The following CDK5RAP2 variants were observed in gnomAD, a reference collection of about 807,000 sequenced individuals.
The protein encoded by CDK5RAP2 is CDK5 regulatory subunit associated protein 2, also known as CDK5 regulatory subunit-associated protein 2.
Under a neutral mutation model 232.9 loss-of-function variants are expected in CDK5RAP2, and 147 were observed. That is an observed-to-expected ratio of 0.63 (90% CI 0.55 to 0.72). The LOEUF is 0.72. Among genes scored for constraint, CDK5RAP2 ranks in the 30% least tolerant of loss-of-function variants. The probability of loss-of-function intolerance (pLI) is 0.00; values close to 1 mark genes in which losing one functional copy is unlikely to be tolerated. For missense variants in CDK5RAP2, 2,195 were observed against 2,231.5 expected (o/e 0.98, Z 0.33); for synonymous variants, 833 against 833.7 (o/e 1.00, Z 0.01).
intron 12 of CDK5RAP2, among the ~76,000 whole-genome samples, chr9:120,499,712 C>G (rs775898696): frequency 5.3e-5 from 8 of 152,040 alleles, no homozygotes; most frequent in Non-Finnish European, 8.8e-5. Flanking sequence ...TATTATTATA[C>G]AAATGATACT....
intron 3 of CDK5RAP2, among the ~76,000 whole-genome samples, chr9:120,555,600 T>C (rs956894506): frequency 3.9e-5 from 6 of 152,238 alleles, no homozygotes; most frequent in African/African-American, 1.4e-4. Context: ...TCTCATACTC[T>C]GCTGATGCGA....
At chr9:120,442,396 A>G (rs2035951517) in intron 23 of CDK5RAP2, among the ~76,000 whole-genome samples, 1 of 152,192 alleles carries the variant, frequency 6.6e-6, no homozygotes, top group African/African-American at 2.4e-5. Flanking sequence ...TCACATCCCA[A>G]GTATCTGTCA....
In CDK5RAP2 at chr9:120,447,985, T is replaced by G; in HGVS notation, c.2935A>C (p.Lys979Gln). Residue 979 changes from lysine (K) to glutamine (Q), a missense_variant, in exon 22 of 38, where the codon AAA becomes CAA. Physicochemically the swap from Lys to Gln is moderately conservative, Grantham distance 53. Transcript: ENST00000349780. ...LELQGELKEF[K>Q]TCNKQLHQKL... ...TGGTGAAGTTGCTTATTACAAGTTT[T>G]AAACTCCTTCAGCTCCCCCTGCAGC... 1 of 1,614,156 alleles carries G rather than the reference T, an allele frequency of 6.2e-7. No homozygotes were observed. The highest frequency in any genetic ancestry group is 8.5e-7 in the Non-Finnish European group (1 of 1,180,024).
At position 120,403,168 on chromosome 9, in the gene CDK5RAP2, G is replaced by A; in HGVS notation, c.5042-97C>T. On this transcript the variant is annotated intron_variant, in intron 33 of 37. Coordinates refer to ENST00000349780, the MANE Select transcript of CDK5RAP2 (RefSeq NM_018249.6). The surrounding 1 kb of genome is among the most constrained non-coding windows in gnomAD (Gnocchi z 4.2). ...AAGCTAGCTAGGAGGGCTAGAAGAG[G>A]CCCTCGTGCCCAAATGCCACCCAAC... 2.3e-6 allele frequency: 3 copies of A among 1,294,740 alleles called. No individual in the cohort carries two copies. The highest frequency in any genetic ancestry group is 3.3e-6 in the Non-Finnish European group (3 of 905,590). 80.2% of individuals were successfully genotyped at this position (1,294,740 alleles called of 1,614,324 possible). A position where few individuals can be genotyped will look rare whatever the true frequency, so the allele number is the denominator to read the frequency against.
At chr9:120,490,961 A>G (rs1006844317) in intron 13 of CDK5RAP2, among the ~76,000 whole-genome samples, 3 of 152,244 alleles carry the variant, frequency 2.0e-5, no homozygotes, top group Non-Finnish European at 4.4e-5. Context: ...GAAAAAGTAC[A>G]GGGGAATGAA....
At chr9:120,497,403 T>C (rs1588489695) in intron 12 of CDK5RAP2, among the ~76,000 whole-genome samples, 1 of 9,884 alleles carries the variant, frequency 1.0e-4, no homozygotes, top group Non-Finnish European at 1.4e-4. Context: ...CCAAGAATTA[T>C]CAATAAAAAA....
At chr9:120,466,394 T>C (rs531781103) in intron 18 of CDK5RAP2, among the ~76,000 whole-genome samples, 2 of 152,114 alleles carry the variant, frequency 1.3e-5, no homozygotes, top group Non-Finnish European at 2.9e-5. Context: ...TGGGGAGCTG[T>C]GCTATGAAGA....
chr9:120,417,587 T>C (rs1234113074), intron 27 of CDK5RAP2, among the ~76,000 whole-genome samples: 3 of 152,228 alleles, frequency 2.0e-5, no homozygotes, highest in African/African-American at 4.8e-5. Context: ...CACTGAGTCT[T>C]TGGCCAGGAG....
intron 14 of CDK5RAP2, among the ~76,000 whole-genome samples, chr9:120,486,696 G>C (rs988877457): frequency 1.3e-5 from 2 of 152,084 alleles, no homozygotes; most frequent in Non-Finnish European, 2.9e-5. Flanking sequence ...GTGAACCAGA[G>C]GAAAACGGGG....
In CDK5RAP2 at chr9:120,518,572, G is replaced by T. The variant is rs180835722; in HGVS notation, c.1166C>A (p.Thr389Asn). Residue 389 changes from threonine to asparagine, a missense_variant, in exon 12 of 38, where the codon ACC becomes AAC. Coordinates refer to ENST00000349780, the MANE Select transcript of CDK5RAP2 (RefSeq NM_018249.6). ...CAGTCTGTGGTTCTCTGTACTCTTG[G>T]TGAGGTTTTGTGAGCGCAGCGCAGC... is the stretch of plus-strand genomic sequence containing the variant. ...LSAALRSQNLTKSTENHRLRR... is the reference protein window; with the variant it reads ...LSAALRSQNLNKSTENHRLRR... 4 of 1,613,652 alleles carry T rather than the reference G, an allele frequency of 2.5e-6. No individual in the cohort carries two copies. The African/African-American group carries it at 5.3e-5, about 22-fold the overall frequency.
chr9:120,432,016 C>G (rs2035311630), intron 25 of CDK5RAP2, among the ~76,000 whole-genome samples: 1 of 152,162 alleles, frequency 6.6e-6, no homozygotes, highest in Non-Finnish European at 1.5e-5. Flanking sequence ...GGAGAGTCCC[C>G]TTATAAGCAT....
At chr9:120,442,491 C>G (rs1244031313) in intron 23 of CDK5RAP2, among the ~76,000 whole-genome samples, 1 of 152,140 alleles carries the variant, frequency 6.6e-6, no homozygotes, top group Non-Finnish European at 1.5e-5. Flanking sequence ...GGTGGAAGTT[C>G]AGGCAGATGC....
At chr9:120,578,569 C>T (rs1448381176) in intron 1 of CDK5RAP2, among the ~76,000 whole-genome samples, 1 of 143,432 alleles carries the variant, frequency 7.0e-6, no homozygotes, top group African/African-American at 2.6e-5. Context: ...TTTCACTTTC[C>T]TTTTTTTTTT....
At position 120,571,961 on chromosome 9, in the gene CDK5RAP2, T is replaced by C. The variant is rs768368236; in HGVS notation, c.127+13A>G. ...TTCTTTACTCAAGAGAATGCCTGGTTTTGTGTACTTACGACCATTTCCCAA... is the reference window on the plus strand; with the variant it reads ...TTCTTTACTCAAGAGAATGCCTGGTCTTGTGTACTTACGACCATTTCCCAA... On this transcript the variant is annotated intron_variant, in intron 2 of 37. Transcript: ENST00000349780. 7 of 1,606,258 alleles carry C rather than the reference T, an allele frequency of 4.4e-6. No homozygotes were observed. The highest frequency in any genetic ancestry group is 6.0e-6 in the Non-Finnish European group (7 of 1,172,716).
intron 12 of CDK5RAP2, among the ~76,000 whole-genome samples, chr9:120,500,608 T>A (rs2039529313): frequency 6.6e-6 from 1 of 152,234 alleles, no homozygotes; most frequent in Non-Finnish European, 1.5e-5. Context: ...CAAATTGTCC[T>A]TGTGGGCCAT....
intron 12 of CDK5RAP2, among the ~76,000 whole-genome samples, chr9:120,507,597 A>G (rs1326258526): frequency 6.6e-6 from 1 of 152,094 alleles, no homozygotes; most frequent in African/African-American, 2.4e-5. Context: ...GACCACAGAA[A>G]ATTATATTTT....
chr9:120,510,256 C>G (rs111376843), intron 12 of CDK5RAP2, among the ~76,000 whole-genome samples: 5 of 152,106 alleles, frequency 3.3e-5, no homozygotes, highest in African/African-American at 1.2e-4. Context: ...GTGACCGGTA[C>G]GACTTTAATT....
At chr9:120,571,018 G>A (rs2042835600) in intron 2 of CDK5RAP2, among the ~76,000 whole-genome samples, 1 of 152,128 alleles carries the variant, frequency 6.6e-6, no homozygotes, top group Non-Finnish European at 1.5e-5. Flanking sequence ...AATTAGCCAG[G>A]TGTCGTGGCA....
At chr9:120,570,158 C>G (rs2042800046) in intron 2 of CDK5RAP2, among the ~76,000 whole-genome samples, 1 of 152,140 alleles carries the variant, frequency 6.6e-6, no homozygotes, top group Non-Finnish European at 1.5e-5. Flanking sequence ...TCGGAAACCA[C>G]TTAGCAGAAA....
Sources: gnomAD v4.1 joint callset for allele counts (sites outside exome capture counted in the v4.1 genomes callset) on GRCh38, gnomAD v4.1.1 for gene constraint, Gnocchi (gnomAD v3.1) non-coding constraint, MANE v1.5 for transcripts, NCBI Gene and HGNC (gene_info 2026-07-23, HGNC 2026-07-21) for gene names.